ADAM22: variants seen among roughly 807,000 people sequenced by gnomAD.
The protein encoded by ADAM22 is ADAM metallopeptidase domain 22, also known as disintegrin and metalloproteinase domain-containing protein 22.
A neutral mutation model predicts 144.6 loss-of-function variants in ADAM22; 65 were observed. The observed-to-expected ratio is 0.45, with a 90% confidence interval of 0.37 to 0.55. The LOEUF is 0.55. Ranked by LOEUF, ADAM22 falls within the 20% of genes least tolerant of loss-of-function variation. The pLI is 0.00. For synonymous variants in ADAM22, 391 were observed against 412.6 expected (o/e 0.95, Z 0.63); for missense variants, 974 against 1,184.9 (o/e 0.82, Z 2.61).
chr7:87,975,843 A>G (rs972795691), intron 2 of ADAM22, among the ~76,000 whole-genome samples: 1 of 152,138 alleles, frequency 6.6e-6, no homozygotes, highest in Non-Finnish European at 1.5e-5. Flanking sequence ...TACAATAAGG[A>G]TGGAGGAGGG....
At chr7:88,023,291 G>A (rs1190421163) in intron 3 of ADAM22, among the ~76,000 whole-genome samples, 1 of 152,080 alleles carries the variant, frequency 6.6e-6, no homozygotes, top group East Asian at 1.9e-4. Flanking sequence ...CATAGTAGGT[G>A]TATATATTCA....
rs1309639871 is a variant in ADAM22 at position 88,201,280 on chromosome 7, A to G, written c.*4789A>G. ...GGGAGTAGAGGTGGCAGGCATCTTT[A>G]TCTTCACCCACTGGCACATTAGCAG... On this transcript the variant is annotated 3_prime_UTR_variant, in exon 32 of 32. Coordinates refer to ENST00000413139, the MANE Select transcript of ADAM22 (RefSeq NM_001324418.2). 1 of 152,250 alleles carries G rather than the reference A, an allele frequency of 6.6e-6. No homozygotes were observed. Among genetic ancestry groups the G allele is most frequent in the African/African-American group, 2.4e-5 (1 of 41,456 alleles). The allele number at this position is 152,250 out of a possible 1,614,324, so 9.4% of individuals were successfully genotyped here.
At position 88,119,009 on chromosome 7, in the gene ADAM22, AC is replaced by A. The variant is rs1381925057; in HGVS notation, c.607+2196del. On this transcript the variant is annotated intron_variant, in intron 7 of 31. Coordinates refer to ENST00000413139, the MANE Select transcript of ADAM22 (RefSeq NM_001324418.2). ...AGTTTAACTGGGTTGTAGATTATCAACATCATCATCTTGTTATGTTTTATAT... is the reference window on the plus strand; with the variant it reads ...AGTTTAACTGGGTTGTAGATTATCAAATCATCATCTTGTTATGTTTTATAT... Among the ~76,000 whole-genome samples the A allele has an allele frequency of 2.6e-5, 4 of 152,370 alleles. No individual in the cohort carries two copies. The East Asian group carries it at 7.7e-4, about 29-fold the overall frequency.
intron 3 of ADAM22, among the ~76,000 whole-genome samples, chr7:88,065,335 A>G (rs1436577719): frequency 2.0e-5 from 3 of 152,110 alleles, no homozygotes; most frequent in Non-Finnish European, 4.4e-5. Context: ...CACTAAATGT[A>G]TGGAAAATAT....
chr7:88,081,931 C>T lies in ADAM22; in HGVS notation c.390+6239C>T, dbSNP rs895387347. On this transcript the variant is annotated intron_variant, in intron 4 of 31. Transcript: ENST00000413139. ...TACTGCCCAAGGTAATTTATAGATTCGATGCCATCCCCATCAAGCTACCAA... is the reference window on the plus strand; with the variant it reads ...TACTGCCCAAGGTAATTTATAGATTTGATGCCATCCCCATCAAGCTACCAA... Among the ~76,000 whole-genome samples the T allele has an allele frequency of 3.3e-5, 5 of 151,648 alleles. No homozygotes were observed. In the East Asian group the frequency reaches 5.8e-4, roughly 18 times the overall value.
intron 3 of ADAM22, among the ~76,000 whole-genome samples, chr7:88,049,359 CT>C (rs1377713096): frequency 6.6e-6 from 1 of 151,380 alleles, no homozygotes; most frequent in African/African-American, 2.4e-5. Context: ...TACACTGTTT[CT>C]TTTTTTTTCT....
intron 17 of ADAM22, among the ~76,000 whole-genome samples, chr7:88,147,410 A>G (rs1165104886): frequency 2.6e-5 from 4 of 152,228 alleles, no homozygotes; most frequent in Non-Finnish European, 4.4e-5. Flanking sequence ...TTCTATAAAG[A>G]GCCAGATAGT....
At chr7:88,057,406 G>A (rs1435798573) in intron 3 of ADAM22, among the ~76,000 whole-genome samples, 1 of 152,200 alleles carries the variant, frequency 6.6e-6, no homozygotes, top group Admixed American at 6.5e-5. Flanking sequence ...AATATGGTTA[G>A]GAATTAAGGA....
intron 3 of ADAM22, among the ~76,000 whole-genome samples, chr7:88,008,767 G>A (rs916751345): frequency 1.3e-5 from 2 of 151,924 alleles, no homozygotes; most frequent in African/African-American, 4.8e-5. Context: ...GGGGTAGGGG[G>A]TATAGCATTA....
chr7:88,178,699 C>T (rs937605426), intron 26 of ADAM22, among the ~76,000 whole-genome samples: 6 of 151,892 alleles, frequency 4.0e-5, no homozygotes, highest in African/African-American at 1.5e-4. Context: ...TATTTTTCCC[C>T]AAAGCAAGGC....
rs575423015 is a variant in ADAM22, at chr7:88,101,600, C to G, written c.391-6576C>G. The stretch of plus-strand genomic sequence containing the variant: ...CTGCATGATATCCTATGACCAGCAC[C>G]AACAAAAATACAGCTCTGCCCTTCC... On this transcript the variant is annotated intron_variant, in intron 4 of 31. Coordinates refer to ENST00000413139, the MANE Select transcript of ADAM22 (RefSeq NM_001324418.2). Among the ~76,000 whole-genome samples the G allele has an allele frequency of 2.3e-4, 35 of 152,268 alleles. No homozygotes were observed. In the South Asian group the frequency reaches 5.6e-3, roughly 24 times the overall value.
In ADAM22 at chr7:88,198,667, C is replaced by T. The variant is rs1850919677; in HGVS notation, c.*2176C>T. 1 of 152,192 alleles carries T rather than the reference C, an allele frequency of 6.6e-6. No homozygotes were observed. Among genetic ancestry groups the T allele is most frequent in the Non-Finnish European group, 1.5e-5 (1 of 68,032 alleles). The allele number at this position is 152,192 out of a possible 1,614,324, so 9.4% of individuals were successfully genotyped here. ...CTCATGTAAATATGCTTCCTAGTTA[C>T]AGGTACACAAACTCTAATTTGAAAG... On this transcript the variant is annotated 3_prime_UTR_variant, in exon 32 of 32. Coordinates refer to ENST00000413139, the MANE Select transcript of ADAM22 (RefSeq NM_001324418.2).
At chr7:87,966,506 C>T (rs775090011) in intron 2 of ADAM22, among the ~76,000 whole-genome samples, 4 of 152,036 alleles carry the variant, frequency 2.6e-5, no homozygotes, top group Non-Finnish European at 5.9e-5. Flanking sequence ...AATGAGGCTG[C>T]CTGACTTCCT....
chr7:87,973,890 A>G (rs915118075), intron 2 of ADAM22, among the ~76,000 whole-genome samples: 3 of 152,036 alleles, frequency 2.0e-5, no homozygotes, highest in South Asian at 2.1e-4. Flanking sequence ...TTGAACAATG[A>G]GAACACATGA....
intron 3 of ADAM22, among the ~76,000 whole-genome samples, chr7:88,024,978 T>C (rs1031388674): frequency 2.0e-5 from 3 of 152,160 alleles, no homozygotes; most frequent in African/African-American, 7.2e-5. Context: ...TGGTTCCAAT[T>C]CTTTGCTATT....
chr7:88,136,672 T>C (rs543118829), intron 14 of ADAM22, among the ~76,000 whole-genome samples: 1 of 152,224 alleles, frequency 6.6e-6, no homozygotes, highest in South Asian at 2.1e-4. Flanking sequence ...GACCATCTTT[T>C]GCTGTTATTA....
At chr7:88,019,236 G>A (rs534367147) in intron 3 of ADAM22, among the ~76,000 whole-genome samples, 12 of 152,294 alleles carry the variant, frequency 7.9e-5, no homozygotes, top group East Asian at 7.7e-4. Flanking sequence ...CATTTTGGGA[G>A]GCCAAGGTGG....
At chr7:87,985,383 T>G (rs760555851) in intron 3 of ADAM22, among the ~76,000 whole-genome samples, 1 of 152,190 alleles carries the variant, frequency 6.6e-6, no homozygotes, top group Non-Finnish European at 1.5e-5. Context: ...TCAGTGATTT[T>G]CAGTACCTTT....
At chr7:88,082,484 A>C (rs1817021647) in intron 4 of ADAM22, among the ~76,000 whole-genome samples, 1 of 152,168 alleles carries the variant, frequency 6.6e-6, no homozygotes, top group African/African-American at 2.4e-5. Flanking sequence ...AAAATTGACA[A>C]GTGGGATCTA....
Sources: gnomAD v4.1 joint callset for allele counts (sites outside exome capture counted in the v4.1 genomes callset) on GRCh38, gnomAD v4.1.1 for gene constraint, MANE v1.5 for transcripts, NCBI Gene and HGNC (gene_info 2026-07-23, HGNC 2026-07-21) for gene names.